Variants in IMMP2L observed in about 807,000 individuals in gnomAD.
IMMP2L encodes inner mitochondrial membrane peptidase subunit 2, also known as mitochondrial inner membrane protease subunit 2.
A neutral mutation model predicts 19.3 loss-of-function variants in IMMP2L; 18 were observed. That is an observed-to-expected ratio of 0.93 (90% CI 0.64 to 1.38). The LOEUF (loss-of-function observed/expected upper bound fraction) is 1.38, where lower values mean the gene tolerates loss of function less well. Ranked by LOEUF, IMMP2L falls within the 40% of genes most tolerant of loss-of-function variation. The pLI is 0.00. For missense variants in IMMP2L, 233 were observed against 218.2 expected, an observed-to-expected ratio of 1.07 and a Z score of -0.43; for synonymous variants, 76 against 73.0, an observed-to-expected ratio of 1.04 and a Z score of -0.21.
chr7:111,098,684 G>T (rs1185484255), intron 3 of IMMP2L, among the ~76,000 whole-genome samples: 1 of 151,566 alleles, frequency 6.6e-6, no homozygotes, highest in Non-Finnish European at 1.5e-5. Context: ...TCTTCATAAC[G>T]ACCGTACTAA....
At chr7:111,528,257 G>C (rs976752756) in intron 1 of IMMP2L, among the ~76,000 whole-genome samples, 9 of 152,062 alleles carry the variant, frequency 5.9e-5, no homozygotes, top group African/African-American at 2.2e-4. Flanking sequence ...TAAGTACCTA[G>C]CCCCGACTTC....
intron 5 of IMMP2L, among the ~76,000 whole-genome samples, chr7:110,761,542 A>G (rs1035697481): frequency 2.6e-5 from 4 of 152,182 alleles, no homozygotes; most frequent in African/African-American, 9.6e-5. Context: ...TGAAGTAGAT[A>G]TGCATCAATC....
chr7:111,004,340 A>ATTT (rs1013832255), intron 3 of IMMP2L, among the ~76,000 whole-genome samples: 3 of 152,002 alleles, frequency 2.0e-5, no homozygotes, highest in African/African-American at 7.2e-5. Context: ...TTATTTTTAT[A>ATTT]TTTTTGTAGA....
intron 5 of IMMP2L, among the ~76,000 whole-genome samples, chr7:110,749,772 G>A (rs1797610032): frequency 6.6e-6 from 1 of 152,052 alleles, no homozygotes. Flanking sequence ...GGGAGGGATA[G>A]CATTAGGAAA....
At chr7:110,817,865 G>T (rs955279389) in intron 5 of IMMP2L, among the ~76,000 whole-genome samples, 2 of 152,050 alleles carry the variant, frequency 1.3e-5, no homozygotes, top group African/African-American at 4.8e-5. Flanking sequence ...AATGGGGAAT[G>T]GATTTCCTAT....
rs146979760 is a variant in IMMP2L at position 111,291,853 on chromosome 7, T to C, written c.239+195385A>G. Reference sequence around the variant, plus strand: ...TGTAAACATGTATCAAAACATAATATTGTACCCATAAATATGTACAGTTAT... The same window carrying C: ...TGTAAACATGTATCAAAACATAATACTGTACCCATAAATATGTACAGTTAT... On this transcript the variant is annotated intron_variant, in intron 3 of 5. Transcript: ENST00000405709. Among the ~76,000 whole-genome samples the C allele has an allele frequency of 7.9e-5, 12 of 152,272 alleles. No individual in the cohort carries two copies. In the East Asian group the frequency reaches 2.3e-3, roughly 29 times the overall value.
intron 3 of IMMP2L, among the ~76,000 whole-genome samples, chr7:111,116,346 A>T (rs2129585632): frequency 6.6e-6 from 1 of 152,342 alleles, no homozygotes; most frequent in South Asian, 2.1e-4. Context: ...TATAATGATA[A>T]TAAGAGGATT....
intron 5 of IMMP2L, among the ~76,000 whole-genome samples, chr7:110,775,347 T>C (rs534308078): frequency 2.0e-5 from 3 of 151,284 alleles, no homozygotes; most frequent in South Asian, 4.2e-4. Flanking sequence ...ATAGAACTGA[T>C]AGTAAGTTGA....
chr7:111,091,887 G>C (rs544859191), intron 3 of IMMP2L, among the ~76,000 whole-genome samples: 13 of 151,998 alleles, frequency 8.6e-5, no homozygotes, highest in Non-Finnish European at 1.9e-4. Context: ...AGGAGACAGA[G>C]AGGAGAGGAG....
intron 2 of IMMP2L, among the ~76,000 whole-genome samples, chr7:111,506,635 T>C (rs1844933771): frequency 6.6e-6 from 1 of 152,188 alleles, no homozygotes; most frequent in Non-Finnish European, 1.5e-5. Flanking sequence ...AACCTCGTGA[T>C]CCACCTGCCT....
chr7:111,129,749 G>C (rs1801670997), intron 3 of IMMP2L, among the ~76,000 whole-genome samples: 1 of 152,096 alleles, frequency 6.6e-6, no homozygotes, highest in African/African-American at 2.4e-5. Flanking sequence ...GTAAGGACTT[G>C]AGTGTTAAGA....
At chr7:110,934,955 G>T (rs1815919634) in intron 4 of IMMP2L, among the ~76,000 whole-genome samples, 1 of 152,136 alleles carries the variant, frequency 6.6e-6, no homozygotes. Flanking sequence ...TATCCAATTT[G>T]CCAGTCTGTG....
intron 5 of IMMP2L, among the ~76,000 whole-genome samples, chr7:110,812,131 CTAAAT>C (rs1802085369): frequency 6.6e-6 from 1 of 151,994 alleles, no homozygotes. Context: ...TATGTAGTTT[CTAAAT>C]AGAGTGGTAC....
chr7:111,373,696 G>GT (rs1431494466), intron 3 of IMMP2L, among the ~76,000 whole-genome samples: 1 of 151,828 alleles, frequency 6.6e-6, no homozygotes, highest in African/African-American at 2.4e-5. Context: ...GTAAGATTAG[G>GT]ATAAATTCTA....
chr7:111,153,127 G>T (rs1804257272), intron 3 of IMMP2L, among the ~76,000 whole-genome samples: 1 of 152,058 alleles, frequency 6.6e-6, no homozygotes, highest in Non-Finnish European at 1.5e-5. Flanking sequence ...GTATGTTTAG[G>T]AGTACTGCCT....
chr7:111,532,211 C>T (rs1390787380), intron 1 of IMMP2L, among the ~76,000 whole-genome samples: 1 of 152,100 alleles, frequency 6.6e-6, no homozygotes, highest in Non-Finnish European at 1.5e-5. Flanking sequence ...GCACGGTCAT[C>T]CAAGTACCAA....
chr7:111,294,446 T>C (rs551908140), intron 3 of IMMP2L, among the ~76,000 whole-genome samples: 1 of 152,058 alleles, frequency 6.6e-6, no homozygotes, highest in South Asian at 2.1e-4. Context: ...TTCAAAACAA[T>C]GTAGTTTTAA....
chr7:111,366,433 T>C (rs1342800143), intron 3 of IMMP2L, among the ~76,000 whole-genome samples: 2 of 150,808 alleles, frequency 1.3e-5, no homozygotes, highest in Non-Finnish European at 3.0e-5. Flanking sequence ...AGAATTGTTA[T>C]AGATTAAAGA....
At chr7:111,465,064 G>T (rs1840496407) in intron 3 of IMMP2L, among the ~76,000 whole-genome samples, 1 of 151,868 alleles carries the variant, frequency 6.6e-6, no homozygotes. Context: ...CAAAGTGCTG[G>T]GATTACAGGT....
Sources: gnomAD v4.1 joint callset for allele counts (sites outside exome capture counted in the v4.1 genomes callset) on GRCh38, gnomAD v4.1.1 for gene constraint, MANE v1.5 for transcripts, NCBI Gene and HGNC (gene_info 2026-07-23, HGNC 2026-07-21) for gene names.